The following NEDD4L variants were observed in gnomAD, a reference collection of about 807,000 sequenced individuals.
NEDD4L encodes NEDD4 like E3 ubiquitin protein ligase, also known as E3 ubiquitin-protein ligase NEDD4-like.
NEDD4L carries 54 observed loss-of-function variants against 148.9 expected under a neutral mutation model. That is an observed-to-expected ratio of 0.36 (90% CI 0.29 to 0.45). The LOEUF (loss-of-function observed/expected upper bound fraction) is 0.45. NEDD4L is among the 20% of genes least tolerant of loss of function. NEDD4L has a pLI of 1.00. For missense variants in NEDD4L, 856 were observed against 1,233.8 expected, an observed-to-expected ratio of 0.69 and a Z score of 4.59; for synonymous variants, 433 against 440.7, an observed-to-expected ratio of 0.98 and a Z score of 0.22.
At position 58,391,514 on chromosome 18, in the gene NEDD4L, T is replaced by C. The variant is rs1468279486; in HGVS notation, c.2780T>C (p.Ile927Thr). The stretch of plus-strand genomic sequence containing the variant: ...TCCAATGGTCCTCAGCTGTTTACAA[T>C]AGAGCAATGGGGCAGTCCTGAGAAA... ...YGSNGPQLFTIEQWGSPEKLP... is the reference protein window; with the variant it reads ...YGSNGPQLFTTEQWGSPEKLP... The change falls in exon 30 of 31, where the codon ATA (isoleucine) becomes ACA (threonine). Residue 927 changes from isoleucine to threonine, a missense_variant. Ile to Thr is a moderately conservative substitution (Grantham distance 89). Transcript: ENST00000400345. 1 of 1,583,880 alleles carries C rather than the reference T, an allele frequency of 6.3e-7. No homozygotes were observed. Among genetic ancestry groups the C allele is most frequent in the Non-Finnish European group, 8.6e-7 (1 of 1,163,794 alleles).
At chr18:58,049,294 A>G (rs1442435506) in intron 1 of NEDD4L, among the ~76,000 whole-genome samples, 2 of 152,252 alleles carry the variant, frequency 1.3e-5, no homozygotes, top group East Asian at 3.8e-4. Context: ...GATCATAGCC[A>G]ACTGGATGGC....
intron 2 of NEDD4L, among the ~76,000 whole-genome samples, chr18:58,242,152 T>A (rs1359777441): frequency 1.3e-5 from 2 of 152,198 alleles, no homozygotes; most frequent in Non-Finnish European, 2.9e-5. Flanking sequence ...GCACCCAGTG[T>A]GTACTGTGAG....
chr18:58,357,466 C>T lies in NEDD4L; in HGVS notation c.1767+214C>T, dbSNP rs756992499. ...AGATGGATTTCATTATAAAGGAAAA[C>T]AGCTTGATAACGACAGCAGAATTAA... On this transcript the variant is annotated intron_variant, in intron 19 of 30. Transcript: ENST00000400345. The T allele has an allele frequency of 8.7e-6, 6 of 693,442 alleles. No homozygotes were observed. The South Asian group carries it at 9.0e-5, about 10-fold the overall frequency. 43.0% of individuals were successfully genotyped at this position (693,442 alleles called of 1,614,324 possible).
intron 1 of NEDD4L, among the ~76,000 whole-genome samples, chr18:58,142,539 G>C (rs544933170): frequency 1.3e-5 from 2 of 152,196 alleles, no homozygotes; most frequent in Non-Finnish European, 2.9e-5. Flanking sequence ...ACATGTTCCA[G>C]ACCTCAGAGG....
intron 1 of NEDD4L, among the ~76,000 whole-genome samples, chr18:58,077,270 G>T (rs1032462737): frequency 1.4e-5 from 2 of 138,514 alleles, no homozygotes; most frequent in Non-Finnish European, 3.0e-5. Context: ...GGACTCAAGT[G>T]ATCCTCTGGC....
In NEDD4L at chr18:58,325,745, A is replaced by G. The variant is rs1034369010; in HGVS notation, c.680+583A>G. On this transcript the variant is annotated intron_variant, in intron 9 of 30. Transcript: ENST00000400345. ...ACCAGCCTCAGGGATGCAGTAAACC[A>G]ATTCCTGTTTTGTTCCCTCAGCAAT... 3.3e-5 allele frequency among the ~76,000 whole-genome samples: 5 copies of G among 152,220 alleles called. No individual in the cohort carries two copies. The South Asian group carries it at 8.3e-4, about 25-fold the overall frequency.
intron 1 of NEDD4L, among the ~76,000 whole-genome samples, chr18:58,090,377 A>T (rs752982677): frequency 3.3e-5 from 5 of 150,544 alleles, no homozygotes; most frequent in African/African-American, 4.9e-5. Flanking sequence ...AGCTGGTAGA[A>T]CCTCCTTGTT....
intron 10 of NEDD4L, among the ~76,000 whole-genome samples, chr18:58,330,292 T>A (rs4940664): frequency 1.3e-5 from 2 of 152,252 alleles, no homozygotes; most frequent in South Asian, 4.1e-4. Flanking sequence ...GCTCCCACGG[T>A]GAATCCTCAG....
intron 1 of NEDD4L, among the ~76,000 whole-genome samples, chr18:58,058,903 G>A (rs1372579277): frequency 6.6e-6 from 1 of 152,186 alleles, no homozygotes; most frequent in South Asian, 2.1e-4. Context: ...CAGAGCCACA[G>A]CCACATCCCA....
intron 7 of NEDD4L, among the ~76,000 whole-genome samples, chr18:58,322,996 T>G (rs1260834658): frequency 7.5e-6 from 1 of 132,496 alleles, no homozygotes; most frequent in Non-Finnish European, 1.6e-5. Flanking sequence ...CCCTGCGTGC[T>G]GTGGGTATAG....
At chr18:58,126,416 C>T (rs183266233) in intron 1 of NEDD4L, among the ~76,000 whole-genome samples, 45 of 152,350 alleles carry the variant, frequency 3.0e-4, no homozygotes, top group African/African-American at 9.4e-4. Context: ...ACCCCTTTCA[C>T]GTGGCGTGTT....
At chr18:58,195,160 C>T (rs1011051939) in intron 2 of NEDD4L, among the ~76,000 whole-genome samples, 1 of 152,158 alleles carries the variant, frequency 6.6e-6, no homozygotes, top group Non-Finnish European at 1.5e-5. Flanking sequence ...CACTGATATT[C>T]CAAAAGGGGC....
chr18:58,201,290 G>A (rs1241628285), intron 2 of NEDD4L, among the ~76,000 whole-genome samples: 1 of 151,928 alleles, frequency 6.6e-6, no homozygotes, highest in East Asian at 1.9e-4. Flanking sequence ...CCGAGATCAC[G>A]CCACTGTACT....
intron 5 of NEDD4L, among the ~76,000 whole-genome samples, chr18:58,263,457 G>C (rs2049745938): frequency 6.6e-6 from 1 of 152,088 alleles, no homozygotes. Flanking sequence ...CTTCTTTCTT[G>C]GGGGTTAGAT....
intron 2 of NEDD4L, among the ~76,000 whole-genome samples, chr18:58,193,121 A>G (rs1382278414): frequency 6.6e-6 from 1 of 152,160 alleles, no homozygotes; most frequent in Non-Finnish European, 1.5e-5. Context: ...GATTTGAGTC[A>G]TTTTATTTAG....
intron 1 of NEDD4L, among the ~76,000 whole-genome samples, chr18:58,078,984 G>A (rs1184763305): frequency 6.6e-6 from 1 of 152,188 alleles, no homozygotes; most frequent in Non-Finnish European, 1.5e-5. Flanking sequence ...GATTAAATGA[G>A]ACTATGAACG....
At chr18:58,238,388 C>G (rs1043270696) in intron 2 of NEDD4L, among the ~76,000 whole-genome samples, 1 of 152,102 alleles carries the variant, frequency 6.6e-6, no homozygotes, top group Non-Finnish European at 1.5e-5. Context: ...GTATATGTAA[C>G]TGTTATTAGT....
chr18:58,069,515 G>C (rs895983474), intron 1 of NEDD4L, among the ~76,000 whole-genome samples: 7 of 152,228 alleles, frequency 4.6e-5, no homozygotes, highest in African/African-American at 1.7e-4. Flanking sequence ...GCTGGATAGA[G>C]GGCAGTGATT....
intron 2 of NEDD4L, among the ~76,000 whole-genome samples, chr18:58,171,612 T>C (rs1254824634): frequency 2.0e-5 from 3 of 152,276 alleles, no homozygotes; most frequent in Non-Finnish European, 2.9e-5. Context: ...ACATGACAGT[T>C]GCCTGGTAAA....
Sources: allele counts gnomAD v4.1 joint callset (sites outside exome capture counted in the v4.1 genomes callset), GRCh38; gene constraint gnomAD v4.1.1; transcripts MANE v1.5; gene names NCBI Gene and HGNC (gene_info 2026-07-23, HGNC 2026-07-21).